The following CAMKMT variants were observed in gnomAD, a reference collection of about 807,000 sequenced individuals.
The protein encoded by CAMKMT is CaM KMT.
Under a neutral mutation model 48.0 loss-of-function variants are expected in CAMKMT, and 53 were observed. The observed-to-expected ratio is 1.10, with a 90% CI of 0.89 to 1.39. The LOEUF (loss-of-function observed/expected upper bound fraction) is 1.39, where lower values mean the gene tolerates loss of function less well. Among genes scored for constraint, CAMKMT ranks in the 40% most tolerant of loss-of-function variants. The pLI, the probability that CAMKMT is intolerant of heterozygous loss-of-function variation, is 0.00. For synonymous variants in CAMKMT, 165 were observed against 152.3 expected, an observed-to-expected ratio of 1.08 and a Z score of -0.61; for missense variants, 428 against 402.7, an observed-to-expected ratio of 1.06 and a Z score of -0.54.
At chr2:44,456,725 C>T in intron 3 of CAMKMT, 1 of 913,700 alleles carries the variant, frequency 1.1e-6, no homozygotes. Flanking sequence ...TCATTACAAT[C>T]ATAGCAGAAA....
At chr2:44,436,252 A>G (rs1035329420) in intron 3 of CAMKMT, among the ~76,000 whole-genome samples, 2 of 152,026 alleles carry the variant, frequency 1.3e-5, no homozygotes, top group Middle Eastern at 3.4e-3. Context: ...ATTTTTTTGT[A>G]TTTTTAGTAG....
intron 10 of CAMKMT, among the ~76,000 whole-genome samples, chr2:44,768,451 T>A (rs1490155309): frequency 6.6e-6 from 1 of 151,464 alleles, no homozygotes; most frequent in Non-Finnish European, 1.5e-5. Context: ...CTCCTGTACC[T>A]GCCCCAGCAG....
intron 3 of CAMKMT, among the ~76,000 whole-genome samples, chr2:44,429,579 A>G (rs974807665): frequency 1.4e-4 from 21 of 152,098 alleles, no homozygotes; most frequent in Admixed American, 1.3e-3. Flanking sequence ...ATAAGACAAA[A>G]GAATAAGGTC....
At chr2:44,733,459 G>C (rs1346633445) in intron 7 of CAMKMT, among the ~76,000 whole-genome samples, 1 of 152,110 alleles carries the variant, frequency 6.6e-6, no homozygotes, top group Non-Finnish European at 1.5e-5. Flanking sequence ...TACAGAAAGG[G>C]ACTGTAATCT....
chr2:44,428,171 A>T (rs1274980464), intron 3 of CAMKMT, among the ~76,000 whole-genome samples: 1 of 152,218 alleles, frequency 6.6e-6, no homozygotes, highest in Non-Finnish European at 1.5e-5. Flanking sequence ...AGGAAGAATC[A>T]GATCACACGG....
chr2:44,613,868 C>T (rs1351851416), intron 3 of CAMKMT, among the ~76,000 whole-genome samples: 4 of 152,094 alleles, frequency 2.6e-5, no homozygotes, highest in African/African-American at 7.2e-5. Flanking sequence ...TTTTCACGTC[C>T]GTCTCTATGG....
At chr2:44,409,432 T>C (rs78217889) in intron 3 of CAMKMT, among the ~76,000 whole-genome samples, 8,572 of 152,212 alleles carry the variant, frequency 0.056, 310 homozygotes, top group South Asian at 0.14. Context: ...GGCTGGTTTT[T>C]TATCTCCTCT....
intron 3 of CAMKMT, among the ~76,000 whole-genome samples, chr2:44,616,166 T>C (rs895597940): frequency 1.3e-5 from 2 of 152,200 alleles, no homozygotes; most frequent in South Asian, 4.1e-4. Context: ...TCTCTTGAAC[T>C]GTGCAGCAGC....
intron 3 of CAMKMT, among the ~76,000 whole-genome samples, chr2:44,457,936 C>G (rs1159458346): frequency 6.6e-6 from 1 of 151,668 alleles, no homozygotes; most frequent in African/African-American, 2.4e-5. Flanking sequence ...CTCTTGGAAG[C>G]ATGGAACAGC....
chr2:44,399,551 CT>C (rs1425624569), intron 3 of CAMKMT, among the ~76,000 whole-genome samples: 6 of 151,784 alleles, frequency 4.0e-5, no homozygotes, highest in Non-Finnish European at 8.8e-5. Context: ...TACCATTTCC[CT>C]TTTTTCCCTC....
chr2:44,648,337 A>G (rs1479901480), intron 3 of CAMKMT, among the ~76,000 whole-genome samples: 1 of 152,152 alleles, frequency 6.6e-6, no homozygotes, highest in East Asian at 1.9e-4. Context: ...TTGTATTCTC[A>G]CACTTTTTAA....
At chr2:44,365,432 G>A (rs79053910) in intron 1 of CAMKMT, among the ~76,000 whole-genome samples, 2,033 of 152,252 alleles carry the variant, frequency 0.013, 25 homozygotes, top group Non-Finnish European at 0.022. Context: ...ATTAGATGAG[G>A]TCTGGAAGAT....
intron 3 of CAMKMT, among the ~76,000 whole-genome samples, chr2:44,624,597 A>G (rs944076697): frequency 6.6e-6 from 1 of 151,966 alleles, no homozygotes; most frequent in Non-Finnish European, 1.5e-5. Flanking sequence ...TTGTCCTTGC[A>G]GTAGTTTGCT....
At chr2:44,383,950 C>G (rs1299385489) in intron 2 of CAMKMT, among the ~76,000 whole-genome samples, 1 of 152,124 alleles carries the variant, frequency 6.6e-6, no homozygotes, top group South Asian at 2.1e-4. Flanking sequence ...GTGCAAGGGT[C>G]TTTTTCGAAT....
rs1677898740 is a variant in CAMKMT at position 44,362,024 on chromosome 2, C to G, written c.17C>G (p.Ala6Gly). 7.1e-6 allele frequency: 10 copies of G among 1,415,618 alleles called. No homozygotes were observed. The highest frequency in any genetic ancestry group is 3.7e-5 in the Admixed American group (1 of 27,396). 87.7% of individuals were successfully genotyped at this position (1,415,618 alleles called of 1,614,324 possible). A position where few individuals can be genotyped will look rare whatever the true frequency, so the allele number is the denominator to read the frequency against. Residue 6 changes from alanine (A) to glycine (G), a missense_variant, in exon 1 of 11, where the codon GCG (alanine) becomes GGG (glycine). By Grantham distance (60) the Ala-to-Gly change is moderately conservative. Transcript: ENST00000378494. MESRV[A>G]DAGTGETARA... ...TCCAGTGAGATGGAGTCGCGAGTCGCGGACGCTGGGACCGGCGAGACCGCG... is the reference window on the plus strand; with the variant it reads ...TCCAGTGAGATGGAGTCGCGAGTCGGGGACGCTGGGACCGGCGAGACCGCG...
chr2:44,418,696 G>A (rs769083647), intron 3 of CAMKMT, among the ~76,000 whole-genome samples: 4 of 152,156 alleles, frequency 2.6e-5, no homozygotes, highest in South Asian at 2.1e-4. Flanking sequence ...ATTTGTTTTC[G>A]TTTTTTCAAA....
At chr2:44,755,161 C>A (rs1453418761) in intron 9 of CAMKMT, among the ~76,000 whole-genome samples, 1 of 152,126 alleles carries the variant, frequency 6.6e-6, no homozygotes, top group African/African-American at 2.4e-5. Context: ...CTATGTAGCT[C>A]AGAAACTTAA....
chr2:44,526,560 C>T (rs1671413498), intron 3 of CAMKMT, among the ~76,000 whole-genome samples: 1 of 152,138 alleles, frequency 6.6e-6, no homozygotes, highest in Non-Finnish European at 1.5e-5. Context: ...TGGTCTGAGT[C>T]CGAAGGTCCA....
intron 10 of CAMKMT, among the ~76,000 whole-genome samples, chr2:44,769,605 C>T (rs1558845245): frequency 1.3e-5 from 2 of 152,136 alleles, no homozygotes; most frequent in East Asian, 1.9e-4. Flanking sequence ...AAAATACTCT[C>T]ATTCATGCAA....
Sources: allele counts gnomAD v4.1 joint callset (sites outside exome capture counted in the v4.1 genomes callset), GRCh38; gene constraint gnomAD v4.1.1; transcripts MANE v1.5; gene names NCBI Gene and HGNC (gene_info 2026-07-23, HGNC 2026-07-21).